The following ARX variants were observed in gnomAD, a reference collection of about 807,000 sequenced individuals.
ARX encodes homeobox protein ARX.
ARX carries 1 observed loss-of-function variant against 23.1 expected under a neutral mutation model. That is an observed-to-expected ratio of 0.04 (90% CI 0.02 to 0.21). The LOEUF (loss-of-function observed/expected upper bound fraction) is 0.21, where lower values mean the gene tolerates loss of function less well. ARX is among the 10% of genes least tolerant of loss of function. The pLI is 1.00. For missense variants in ARX, 380 were observed against 527.5 expected (o/e 0.72, Z 2.74); for synonymous variants, 301 against 270.1 (o/e 1.11, Z -1.12).
chrX:25,004,678 C>A lies in ARX; in HGVS notation c.1681G>T (p.Val561Leu). The change falls in exon 5 of 5, where the codon GTG (valine) becomes TTG (leucine). Residue 561 changes from valine (V) to leucine (L), a missense_variant. Around this residue, in one of 3 missense-constraint regions of ARX, gnomAD observed 121 missense variants for 169.7 expected, o/e 0.71. Transcript: ENST00000379044. ...ILPGTSTGKEVC is the reference protein window; with the variant it reads ...ILPGTSTGKELC ...GGTGTGGAGGGCAGCCTTTAGCACA[C>A]CTCCTTGCCCGTGCTGGTGCCCGGC... 1 of 1,165,038 alleles carries A rather than the reference C, an allele frequency of 8.6e-7. No homozygotes were observed. The highest frequency in any genetic ancestry group is 1.1e-6 in the Non-Finnish European group (1 of 872,626).
Position 25,007,311 on chromosome X carries a change from G to A in ARX, c.1248C>T (p.Ala416=). 1 of 1,132,261 alleles carries A rather than the reference G, an allele frequency of 8.8e-7. No individual in the cohort carries two copies. Among genetic ancestry groups the A allele is most frequent in the Non-Finnish European group, 1.2e-6 (1 of 861,740 alleles). 93.3% of individuals were successfully genotyped at this position (1,132,261 alleles called of 1,213,427 possible). A position where few individuals can be genotyped will look rare whatever the true frequency, so the allele number is the denominator to read the frequency against. The change falls in exon 4 of 5, where the codon GCC becomes GCT. Residue 416 remains alanine (A), a synonymous_variant. Transcript: ENST00000379044. ...CCGGGTGGTGCGGAGGGAAGGGGCT[G>A]GCGTCCAGGTAGGGGCTGAGCGGGT... ...ATHPLSPYLD[A]SPFPPHHPAL...
chrX:25,008,375 T>C (rs1205706605), intron 3 of ARX, among the ~76,000 whole-genome samples: 1 of 112,926 alleles, frequency 8.9e-6, no homozygotes, highest in East Asian at 2.8e-4. Context: ...TATTTCCTTT[T>C]GGAGATGTGT....
chrX:25,005,401 A>G (rs1187075126), intron 4 of ARX, among the ~76,000 whole-genome samples: 3 of 112,236 alleles, frequency 2.7e-5, no homozygotes, highest in African/African-American at 9.7e-5. Flanking sequence ...CGCACGCCGC[A>G]GGCTCTGAGA....
chrX:25,004,517 C>A lies in ARX; in HGVS notation c.*153G>T, dbSNP rs963945641. On this transcript the variant is annotated 3_prime_UTR_variant, in exon 5 of 5. Transcript: ENST00000379044. ...CCACGTCCCGGAGCGCCGAGGGCTGCCATGCCCGCATCCAGACTGCTGTGA... is the reference window on the plus strand; with the variant it reads ...CCACGTCCCGGAGCGCCGAGGGCTGACATGCCCGCATCCAGACTGCTGTGA... 5.0e-6 allele frequency: 5 copies of A among 1,002,007 alleles called. No homozygotes were observed. The highest frequency in any genetic ancestry group is 6.7e-6 in the Non-Finnish European group (5 of 745,488). 82.6% of individuals were successfully genotyped at this position (1,002,007 alleles called of 1,213,427 possible). A position where few individuals can be genotyped will look rare whatever the true frequency, so the allele number is the denominator to read the frequency against.
intron 1 of ARX, 27 bp downstream of exon 1, chrX:25,015,515 G>C (rs1425302490): frequency 3.3e-6 from 4 of 1,204,653 alleles, no homozygotes; most frequent in Non-Finnish European, 4.5e-6. Context: ...AATGCCCTTA[G>C]TAAGTGCCTG....
intron 1 of ARX, 123 bp downstream of exon 1, chrX:25,015,419 A>G: frequency 1.1e-6 from 1 of 905,545 alleles, no homozygotes; most frequent in Non-Finnish European, 1.6e-6. Flanking sequence ...AGCAGGCCTC[A>G]GAGTTATGCC....
In ARX at chrX:25,005,050, G is replaced by A. The variant is rs926803038; in HGVS notation, c.1449-140C>T. On this transcript the variant is annotated intron_variant, in intron 4 of 4. Transcript: ENST00000379044. ...CCGGATGGGCCGCGGCGGGGAAGTG[G>A]GCAGAGGGCGCGGGCGGAAGCTGGA... 6 of 876,015 alleles carry A rather than the reference G, an allele frequency of 6.8e-6. No individual in the cohort carries two copies. In the African/African-American group the frequency reaches 1.3e-4, roughly 19 times the overall value. The allele number at this position is 876,015 out of a possible 1,213,427, so 72.2% of individuals were successfully genotyped here.
intron 2 of ARX, among the ~76,000 whole-genome samples, chrX:25,012,346 G>C (rs1026541940): frequency 3.5e-5 from 4 of 112,823 alleles, no homozygotes; most frequent in African/African-American, 1.3e-4. Flanking sequence ...GTCCTGAAAC[G>C]ACAGAACTCG....
intron 3 of ARX, 54 bp downstream of exon 3, chrX:25,010,206 T>A: frequency 3.3e-6 from 2 of 607,963 alleles, no homozygotes; most frequent in Non-Finnish European, 5.0e-6. Context: ...TCTCTCTCTC[T>A]CCCACTGGCC....
chrX:25,013,298 C>G lies in ARX; in HGVS notation c.697G>C (p.Asp233His). 8.7e-7 allele frequency: 1 copy of G among 1,155,404 alleles called. No individual in the cohort carries two copies. Among genetic ancestry groups the G allele is most frequent in the South Asian group, 1.9e-5 (1 of 52,666 alleles). ...TEDDEEELLE[D>H]EEDEDEEEEL... ...TCTTCCTCGTCCTCATCTTCTTCGT[C>G]CTCCAGCAGCTCCTCCTCGTCGTCC... The change falls in exon 2 of 5, where the codon GAC becomes CAC. Residue 233 changes from aspartate (D) to histidine (H), a missense_variant. By Grantham distance (81) the Asp-to-His change is moderately conservative (BLOSUM62 -1). Around this residue, in one of 3 missense-constraint regions of ARX, gnomAD observed 235 missense variants for 270.2 expected, o/e 0.87. Coordinates refer to ENST00000379044, the MANE Select transcript of ARX (RefSeq NM_139058.3).
rs1363110443 is a variant in ARX, at chrX:25,015,529, G to A, written c.196+13C>T. ...CAATGCCCTTAGTAAGTGCCTGACG[G>A]GAGCATCCTTACCTTGCACGGCCTT... is the stretch of plus-strand genomic sequence containing the variant. On this transcript the variant is annotated intron_variant, in intron 1 of 4. Transcript: ENST00000379044. 8.3e-7 allele frequency: 1 copy of A among 1,208,864 alleles called. No homozygotes were observed. The highest frequency in any genetic ancestry group is 3.0e-5 in the East Asian group (1 of 33,805).
At position 25,007,154 on chromosome X, in the gene ARX, C is replaced by T. The variant is rs868401857; in HGVS notation, c.1405G>A (p.Ala469Thr). The T allele has an allele frequency of 8.3e-7, 1 of 1,201,282 alleles. No individual in the cohort carries two copies. The highest frequency in any genetic ancestry group is 1.1e-6 in the Non-Finnish European group (1 of 891,024). ...ATGAAAGCTGGGTGTCGGAACACTG[C>T]CGCTCCGAGGAAAGTGCTCAGGCCC... ...PLGLSTFLGA[A>T]VFRHPAFISP... Residue 469 changes from alanine to threonine, a missense_variant, in exon 4 of 5, where the codon GCA becomes ACA. This residue lies in a region of ARX where 121 missense variants were observed against 169.7 expected (regional missense o/e 0.71). Coordinates refer to ENST00000379044, the MANE Select transcript of ARX (RefSeq NM_139058.3).
At chrX:25,007,525 G>A in intron 3 of ARX, 86 bp from the exon 4 acceptor site, 1 of 1,060,246 alleles carries the variant, frequency 9.4e-7, no homozygotes, top group African/African-American at 1.9e-5. Flanking sequence ...TTGGCGCGCT[G>A]CGGGGCCCCC....
rs920255286 is a variant in ARX at position 25,009,854 on chromosome X, A to G, written c.1119+406T>C. Among the ~76,000 whole-genome samples, 3 of 111,505 alleles carry G rather than the reference A, an allele frequency of 2.7e-5. No homozygotes were observed. The Admixed American group carries it at 2.9e-4, about 11-fold the overall frequency. Reference sequence around the variant, plus strand: ...GAAGCCCGATTGGAGACTTAATCGCAGCCAAATACCTGCTTGGAACTGAGC... The same window carrying G: ...GAAGCCCGATTGGAGACTTAATCGCGGCCAAATACCTGCTTGGAACTGAGC... On this transcript the variant is annotated intron_variant, in intron 3 of 4. Coordinates refer to ENST00000379044, the MANE Select transcript of ARX (RefSeq NM_139058.3).
At position 25,010,177 on chromosome X, in the gene ARX, C is replaced by T. The variant is rs766275203; in HGVS notation, c.1119+83G>A. 22 of 836,278 alleles carry T rather than the reference C, an allele frequency of 2.6e-5. No homozygotes were observed. The South Asian group carries it at 3.5e-4, about 13-fold the overall frequency. The allele number at this position is 836,278 out of a possible 1,213,427, so 68.9% of individuals were successfully genotyped here. A position where few individuals can be genotyped will look rare whatever the true frequency, so the allele number is the denominator to read the frequency against. Reference sequence around the variant, plus strand: ...TGTGAAGGGGATCTCACCCCCCGCACCCCCCCGCCACCAACCCATCTCTCT... The same window carrying T: ...TGTGAAGGGGATCTCACCCCCCGCATCCCCCCGCCACCAACCCATCTCTCT... On this transcript the variant is annotated intron_variant, in intron 3 of 4. Transcript: ENST00000379044.
chrX:25,010,646 TAC>T (rs748067359), intron 2 of ARX, among the ~76,000 whole-genome samples: 1 of 111,022 alleles, frequency 9.0e-6, no homozygotes, highest in South Asian at 3.8e-4. Flanking sequence ...CACACACACA[TAC>T]ACACACACAC....
chrX:25,015,622 C>G lies in ARX; in HGVS notation c.116G>C (p.Cys39Ser). The change falls in exon 1 of 5, where the codon TGC (cysteine) becomes TCC (serine). Residue 39 changes from cysteine (C) to serine (S), a missense_variant. Coordinates refer to ENST00000379044, the MANE Select transcript of ARX (RefSeq NM_139058.3). ...IDSILGRRSP[C>S]KMRLLGAAQS... ...CGCGGCTCCCAGCAACCGCATTTTG[C>G]ACGGGCTCCTCCGGCCCAGGATGCT... The G allele has an allele frequency of 8.3e-7, 1 of 1,210,351 alleles. No homozygotes were observed. Among genetic ancestry groups the G allele is most frequent in the Non-Finnish European group, 1.1e-6 (1 of 894,720 alleles).
intron 4 of ARX, among the ~76,000 whole-genome samples, chrX:25,005,539 C>G (rs992330380): frequency 4.4e-5 from 5 of 112,643 alleles, no homozygotes; most frequent in Admixed American, 2.8e-4. Context: ...CCGCGTCTGG[C>G]CAGCGCCTGC....
At chrX:25,014,999 A>G (rs1242163654) in intron 1 of ARX, among the ~76,000 whole-genome samples, 1 of 112,868 alleles carries the variant, frequency 8.9e-6, no homozygotes, top group African/African-American at 3.2e-5. Flanking sequence ...CATTTTAAAT[A>G]CATTAAGGAG....
Sources: allele counts gnomAD v4.1 joint callset (sites outside exome capture counted in the v4.1 genomes callset), GRCh38; gene constraint gnomAD v4.1.1; regional missense constraint gnomAD v4.1.1; transcripts MANE v1.5; gene names NCBI Gene and HGNC (gene_info 2026-07-23, HGNC 2026-07-21).